Variants in TTC22 observed in about 807,000 individuals in gnomAD.
TTC22 encodes the protein tetratricopeptide repeat protein 22.
A neutral mutation model predicts 48.2 loss-of-function variants in TTC22; 42 were observed. The observed-to-expected ratio is 0.87, with a 90% CI of 0.68 to 1.13. TTC22 has a LOEUF of 1.13. Among genes scored for constraint, TTC22 ranks in the 50% most tolerant of loss-of-function variants. The pLI, the probability that TTC22 is intolerant of heterozygous loss-of-function variation, is 0.00. For missense variants in TTC22, 784 were observed against 807.0 expected, an observed-to-expected ratio of 0.97 and a Z score of 0.34; for synonymous variants, 345 against 365.5, an observed-to-expected ratio of 0.94 and a Z score of 0.64.
At chr1:54,785,865 G>A in intron 5 of TTC22, 118 bp downstream of exon 5, 1 of 950,436 alleles carries the variant, frequency 1.1e-6, no homozygotes, top group Non-Finnish European at 1.6e-6. Flanking sequence ...TGGCTCCTAA[G>A]CTCCCTTCCA....
chr1:54,796,254 C>T lies in TTC22; in HGVS notation c.567+4343G>A, dbSNP rs964436355. ...GGATCCTGGGCTTGCTGACCTATGACACTCTCTTGGGCCTTCCCGCCAGGT... is the reference window on the plus strand; with the variant it reads ...GGATCCTGGGCTTGCTGACCTATGATACTCTCTTGGGCCTTCCCGCCAGGT... On this transcript the variant is annotated intron_variant, in intron 1 of 6. Transcript: ENST00000371276. 3.9e-5 allele frequency among the ~76,000 whole-genome samples: 6 copies of T among 152,378 alleles called. No individual in the cohort carries two copies. In the East Asian group the frequency reaches 9.6e-4, roughly 24 times the overall value.
At position 54,801,142 on chromosome 1, in the gene TTC22, C is replaced by T. The variant is rs761234671; in HGVS notation, c.22G>A (p.Ala8Thr). ...TCGATGAGGGCGTCTAGATCGTCGG[C>T]CACAGCCTCCAGCTCCGCCATGACT... MAELEAV[A>T]DDLDALIDDL... The change falls in exon 1 of 7, where the codon GCC (alanine) becomes ACC (threonine). Residue 8 changes from alanine (A) to threonine (T), a missense_variant. By Grantham distance (58) the Ala-to-Thr change is moderately conservative. Transcript: ENST00000371276. 3.7e-6 allele frequency: 6 copies of T among 1,610,956 alleles called. No homozygotes were observed. In the South Asian group the frequency reaches 4.4e-5, roughly 12 times the overall value.
rs762279008 is a variant in TTC22, at chr1:54,785,944, C to T, written c.1020+39G>A. 3 of 1,589,834 alleles carry T rather than the reference C, an allele frequency of 1.9e-6. No individual in the cohort carries two copies. In the Admixed American group the frequency reaches 5.2e-5, roughly 27 times the overall value. On this transcript the variant is annotated intron_variant, in intron 5 of 6. Coordinates refer to ENST00000371276, the MANE Select transcript of TTC22 (RefSeq NM_001114108.2). ...GGCCTCTGGCCCTTGTTCTCTGATTCCCAATGGCAGGGTATGGTGGGGCAG... is the reference window on the plus strand; with the variant it reads ...GGCCTCTGGCCCTTGTTCTCTGATTTCCAATGGCAGGGTATGGTGGGGCAG...
In TTC22 at chr1:54,781,414, C is replaced by G. The variant is rs1180939630; in HGVS notation, c.1539G>C (p.Leu513=). ...RAQDKYPAAR[L]RQELQRVWRG... is the part of the protein sequence containing the mutation. Reference sequence around the variant, plus strand: ...GCCACACGCGCTGCAGCTCCTGGCGCAGGCGCGCCGCGGGGTACTTGTCCT... The same window carrying G: ...GCCACACGCGCTGCAGCTCCTGGCGGAGGCGCGCCGCGGGGTACTTGTCCT... Residue 513 remains leucine (L), a synonymous_variant, in exon 7 of 7, where the codon CTG becomes CTC. Coordinates refer to ENST00000371276, the MANE Select transcript of TTC22 (RefSeq NM_001114108.2). 22 of 1,402,070 alleles carry G rather than the reference C, an allele frequency of 1.6e-5. No individual in the cohort carries two copies. The East Asian group carries it at 6.1e-4, about 39-fold the overall frequency. 86.9% of individuals were successfully genotyped at this position (1,402,070 alleles called of 1,614,324 possible).
intron 6 of TTC22, among the ~76,000 whole-genome samples, 181 bp from the exon 7 acceptor site, chr1:54,781,960 G>A (rs1446354301): frequency 6.6e-6 from 1 of 152,194 alleles, no homozygotes; most frequent in African/African-American, 2.4e-5. Context: ...CCCGATTCCA[G>A]TTCCAGCCCC....
intron 1 of TTC22, among the ~76,000 whole-genome samples, chr1:54,788,982 C>T (rs535711462): frequency 6.6e-6 from 1 of 152,340 alleles, no homozygotes; most frequent in East Asian, 1.9e-4. Flanking sequence ...TAGGATGCCA[C>T]TCAGTGCCTG....
Position 54,780,307 on chromosome 1 carries a change from G to A in TTC22, c.*936C>T, listed in dbSNP as rs1286541442. 6.6e-6 allele frequency: 1 copy of A among 152,024 alleles called. No homozygotes were observed. The allele number at this position is 152,024 out of a possible 1,614,324, so 9.4% of individuals were successfully genotyped here. A position where few individuals can be genotyped will look rare whatever the true frequency, so the allele number is the denominator to read the frequency against. On this transcript the variant is annotated 3_prime_UTR_variant, in exon 7 of 7. Transcript: ENST00000371276. Reference sequence around the variant, plus strand: ...AGTTCGAGACCATCCTGACCAACATGGCGAAACCCTGTCTCTACTAAAAAT... The same window carrying A: ...AGTTCGAGACCATCCTGACCAACATAGCGAAACCCTGTCTCTACTAAAAAT...
intron 1 of TTC22, among the ~76,000 whole-genome samples, chr1:54,797,085 G>A (rs1646397591): frequency 6.6e-6 from 1 of 152,180 alleles, no homozygotes; most frequent in Admixed American, 6.5e-5. Context: ...TGAGGTTCAC[G>A]TTAGAATCCC....
At chr1:54,799,598 A>G (rs1646417991) in intron 1 of TTC22, among the ~76,000 whole-genome samples, 1 of 152,154 alleles carries the variant, frequency 6.6e-6, no homozygotes, top group African/African-American at 2.4e-5. Context: ...GACCGCATTC[A>G]ACACATCAAT....
Position 54,781,497 on chromosome 1 carries a change from C to A in TTC22, c.1456G>T (p.Ala486Ser), listed in dbSNP as rs1266449294. ...LEALLAQWSQ[A>S]QLSDGELGRE... ...CCCAGCTCCCCGTCGCTCAGCTGTG[C>A]CTGGCTCCACTGCGCCAGCAGCGCC... Residue 486 changes from alanine (A) to serine (S), a missense_variant, in exon 7 of 7, where the codon GCA (alanine) becomes TCA (serine). Coordinates refer to ENST00000371276, the MANE Select transcript of TTC22 (RefSeq NM_001114108.2). The A allele has an allele frequency of 1.3e-6, 2 of 1,498,620 alleles. No individual in the cohort carries two copies. The highest frequency in any genetic ancestry group is 4.3e-5 in the Admixed American group (2 of 46,518). 92.8% of individuals were successfully genotyped at this position (1,498,620 alleles called of 1,614,324 possible). A position where few individuals can be genotyped will look rare whatever the true frequency, so the allele number is the denominator to read the frequency against.
At chr1:54,799,664 C>T (rs912990851) in intron 1 of TTC22, among the ~76,000 whole-genome samples, 1 of 152,212 alleles carries the variant, frequency 6.6e-6, no homozygotes, top group South Asian at 2.1e-4. Context: ...AGGCTCAGGA[C>T]TGAAACAAGA....
intron 1 of TTC22, among the ~76,000 whole-genome samples, chr1:54,799,686 T>C (rs933625483): frequency 2.6e-5 from 4 of 152,202 alleles, no homozygotes; most frequent in African/African-American, 9.7e-5. Flanking sequence ...ACCTGGGTTC[T>C]TGTTGACCTC....
At chr1:54,786,526 G>T in intron 4 of TTC22, 2 of 246,636 alleles carry the variant, frequency 8.1e-6, no homozygotes, top group South Asian at 8.7e-5. Context: ...TTTCTACCTG[G>T]GTAATAACAC....
At chr1:54,788,738 C>G (rs79654621) in intron 1 of TTC22, among the ~76,000 whole-genome samples, 1 of 152,340 alleles carries the variant, frequency 6.6e-6, no homozygotes, top group East Asian at 1.9e-4. Flanking sequence ...CGTCCCTGAT[C>G]TGGAGGCTTC....
At chr1:54,787,110 G>T in intron 3 of TTC22, 35 bp from the exon 4 acceptor site, 1 of 1,221,222 alleles carries the variant, frequency 8.2e-7, no homozygotes. Context: ...TCTCTAGGAA[G>T]CAGCAGGGTG....
chr1:54,796,576 T>A (rs1219110187), intron 1 of TTC22, among the ~76,000 whole-genome samples: 1 of 152,244 alleles, frequency 6.6e-6, no homozygotes, highest in Non-Finnish European at 1.5e-5. Flanking sequence ...GTGTGGTTCC[T>A]GTCATTACTC....
Position 54,785,976 on chromosome 1 carries a change from G to T in TTC22, c.1020+7C>A. 2 of 1,610,160 alleles carry T rather than the reference G, an allele frequency of 1.2e-6. No individual in the cohort carries two copies. Among genetic ancestry groups the T allele is most frequent in the South Asian group, 2.2e-5 (2 of 90,624 alleles). On this transcript the variant is annotated splice_region_variant and intron_variant, in intron 5 of 6. Coordinates refer to ENST00000371276, the MANE Select transcript of TTC22 (RefSeq NM_001114108.2). ...GCAGGGTATGGTGGGGCAGGAAGTT[G>T]ACCCACCTTGGCCCTTGTGCAGTAC...
At position 54,787,834 on chromosome 1, in the gene TTC22, C is replaced by T. The variant is rs202136331; in HGVS notation, c.624-8G>A. 337 of 1,600,468 alleles carry T rather than the reference C, an allele frequency of 2.1e-4. 1 individual carries two copies. In the Middle Eastern group the frequency reaches 6.5e-3, roughly 31 times the overall value. ...AGGAAGATGCCATCTAGCCTGTGGC[C>T]GAGAAGGAGATGTGGTTGGGTGGCA... On this transcript the variant is annotated splice_polypyrimidine_tract_variant and splice_region_variant and intron_variant, in intron 2 of 6. Coordinates refer to ENST00000371276, the MANE Select transcript of TTC22 (RefSeq NM_001114108.2).
chr1:54,795,739 T>C (rs1192248947), intron 1 of TTC22, among the ~76,000 whole-genome samples: 1 of 152,212 alleles, frequency 6.6e-6, no homozygotes, highest in Non-Finnish European at 1.5e-5. Flanking sequence ...AAATCAGCTT[T>C]CTCTCTGGGC....
Sources: gnomAD v4.1 joint callset for allele counts (sites outside exome capture counted in the v4.1 genomes callset) on GRCh38, gnomAD v4.1.1 for gene constraint, MANE v1.5 for transcripts, NCBI Gene and HGNC (gene_info 2026-07-23, HGNC 2026-07-21) for gene names.